Variants in ZDHHC20 observed in about 807,000 individuals in gnomAD.
ZDHHC20 encodes zDHHC palmitoyltransferase 20, also known as palmitoyltransferase ZDHHC20.
In ZDHHC20, 43 loss-of-function variants were observed where a neutral mutation model predicts 57.8. The observed-to-expected ratio is 0.74, with a 90% CI of 0.58 to 0.96. ZDHHC20 has a LOEUF of 0.96. Ranked by LOEUF, ZDHHC20 falls within the 40% of genes least tolerant of loss-of-function variation. The pLI, the probability that ZDHHC20 is intolerant of heterozygous loss-of-function variation, is 0.00. For synonymous variants in ZDHHC20, 157 were observed against 153.0 expected (o/e 1.03, Z -0.19); for missense variants, 391 against 441.1 (o/e 0.89, Z 1.02).
intron 1 of ZDHHC20, among the ~76,000 whole-genome samples, chr13:21,447,807 G>A (rs1211756305): frequency 2.1e-5 from 2 of 94,568 alleles, no homozygotes; most frequent in Admixed American, 9.8e-5. Context: ...GAGTGTCTCC[G>A]CCCAGCCGCC....
rs562777411 is a variant in ZDHHC20 at position 21,427,312 on chromosome 13, A to AT, written c.119-1635dup. ...GTAAACTAAGGCTCAAAATAATTAAATGACCTTCCTAAGGTCACAGAGCTA... is the reference window on the plus strand; with the variant it reads ...GTAAACTAAGGCTCAAAATAATTAAATTGACCTTCCTAAGGTCACAGAGCTA... On this transcript the variant is annotated intron_variant, in intron 1 of 12. Coordinates refer to ENST00000400590, the MANE Select transcript of ZDHHC20 (RefSeq NM_001330059.2). Among the ~76,000 whole-genome samples, 8 of 152,328 alleles carry AT rather than the reference A, an allele frequency of 5.3e-5. No individual in the cohort carries two copies. In the East Asian group the frequency reaches 1.5e-3, roughly 29 times the overall value.
intron 2 of ZDHHC20, among the ~76,000 whole-genome samples, chr13:21,425,155 T>C (rs189774149): frequency 1.0e-3 from 153 of 152,322 alleles, no homozygotes; most frequent in African/African-American, 3.5e-3. Flanking sequence ...TTAGTTGTTA[T>C]AAAAACTTTA....
At chr13:21,401,798 G>T in intron 5 of ZDHHC20, 113 bp from the exon 6 acceptor site, 2 of 904,852 alleles carry the variant, frequency 2.2e-6, no homozygotes, top group Non-Finnish European at 1.6e-6. Context: ...CATCTTAAGA[G>T]AATCAACCCA....
At chr13:21,392,777 A>G (rs1294420022) in intron 7 of ZDHHC20, among the ~76,000 whole-genome samples, 3 of 152,234 alleles carry the variant, frequency 2.0e-5, no homozygotes, top group Non-Finnish European at 2.9e-5. Flanking sequence ...GAAGACTATT[A>G]GCATTAGGTT....
At chr13:21,455,365 C>G (rs1410734263) in intron 1 of ZDHHC20, among the ~76,000 whole-genome samples, 2 of 152,104 alleles carry the variant, frequency 1.3e-5, no homozygotes, top group Non-Finnish European at 2.9e-5. Flanking sequence ...ACAAGATATT[C>G]TGATAAAACC....
rs139085925 is a variant in ZDHHC20 at position 21,380,113 on chromosome 13, C to G, written c.1060+1321G>C. On this transcript the variant is annotated intron_variant, in intron 11 of 12. Coordinates refer to ENST00000400590, the MANE Select transcript of ZDHHC20 (RefSeq NM_001330059.2). The stretch of plus-strand genomic sequence containing the variant: ...TACAGGCATGAGCCACCGTGCCCAG[C>G]CTTTTTTTCCTTTCTTCCCCGAGAT... 4.5e-3 allele frequency among the ~76,000 whole-genome samples: 678 copies of G among 149,632 alleles called. 2 individuals are homozygous for G. Among genetic ancestry groups the G allele is most frequent in the African/African-American group, 0.016 (638 of 40,628 alleles).
chr13:21,385,212 T>C (rs1374922586), intron 9 of ZDHHC20, among the ~76,000 whole-genome samples: 1 of 152,064 alleles, frequency 6.6e-6, no homozygotes, highest in African/African-American at 2.4e-5. Context: ...GCGGATTGCT[T>C]GAGGCCAGGA....
intron 1 of ZDHHC20, among the ~76,000 whole-genome samples, chr13:21,432,958 C>T (rs1318249148): frequency 1.3e-5 from 2 of 152,124 alleles, no homozygotes; most frequent in African/African-American, 4.8e-5. Context: ...TATTTCTGAA[C>T]TCTATTTTGT....
intron 1 of ZDHHC20, among the ~76,000 whole-genome samples, chr13:21,432,192 A>T (rs868038409): frequency 3.9e-5 from 6 of 151,918 alleles, no homozygotes; most frequent in Admixed American, 1.3e-4. Flanking sequence ...TTCAGACAGA[A>T]TCTCGCTCTG....
chr13:21,456,918 G>C (rs1203977471), intron 1 of ZDHHC20, among the ~76,000 whole-genome samples: 1 of 152,160 alleles, frequency 6.6e-6, no homozygotes, highest in Non-Finnish European at 1.5e-5. Context: ...ATAGCTTACT[G>C]AAGTTATATG....
intron 3 of ZDHHC20, among the ~76,000 whole-genome samples, chr13:21,414,384 G>T (rs146639988): frequency 0.037 from 5,610 of 149,922 alleles, 331 homozygotes; most frequent in African/African-American, 0.13. Context: ...TTTTTGAGAC[G>T]GAGTCTTGCT....
At chr13:21,435,323 A>G (rs1566106186) in intron 1 of ZDHHC20, among the ~76,000 whole-genome samples, 1 of 152,024 alleles carries the variant, frequency 6.6e-6, no homozygotes, top group Admixed American at 6.6e-5. Context: ...TTTTCTTCTA[A>G]TGCTTGAATG....
chr13:21,442,571 A>G (rs1463265902), intron 1 of ZDHHC20, among the ~76,000 whole-genome samples: 1 of 152,190 alleles, frequency 6.6e-6, no homozygotes, highest in Non-Finnish European at 1.5e-5. Flanking sequence ...CCTGGCCAAC[A>G]TGGTGAAACC....
Position 21,374,399 on chromosome 13 carries a change from G to T in ZDHHC20, c.*2297C>A, listed in dbSNP as rs369950389. The T allele has an allele frequency of 4.8e-3, 2,193 of 455,628 alleles. 23 individuals are homozygous for T. The highest frequency in any genetic ancestry group is 0.025 in the African/African-American group (1,247 of 50,130). The allele number at this position is 455,628 out of a possible 1,614,324, so 28.2% of individuals were successfully genotyped here. On this transcript the variant is annotated 3_prime_UTR_variant, in exon 13 of 13. Transcript: ENST00000400590. ...GCCACCATGCCTGGACAGTTTTGGG[G>T]TTTTTTTGTATTTTTAGTGGAGACA...
chr13:21,419,314 T>C (rs886869575), intron 3 of ZDHHC20, among the ~76,000 whole-genome samples: 5 of 152,232 alleles, frequency 3.3e-5, no homozygotes, highest in Non-Finnish European at 7.3e-5. Flanking sequence ...CTATACAGCA[T>C]TACTTGCTAA....
chr13:21,431,483 T>TAAGTA (rs58043937), intron 1 of ZDHHC20, among the ~76,000 whole-genome samples: 95,137 of 151,430 alleles, frequency 0.63, 30,836 homozygotes, highest in Non-Finnish European at 0.71. Flanking sequence ...TTTCATTACT[T>TAAGTA]AATATCTAAA....
In ZDHHC20 at chr13:21,375,153, A is replaced by T. The variant is rs1871862417; in HGVS notation, c.*1543T>A. Reference sequence around the variant, plus strand: ...TGTGGAAAAAAGAAGAAAAAAATTTATTGGGTGAATGAAAAGTGATTTTGC... The same window carrying T: ...TGTGGAAAAAAGAAGAAAAAAATTTTTTGGGTGAATGAAAAGTGATTTTGC... On this transcript the variant is annotated 3_prime_UTR_variant, in exon 13 of 13. Transcript: ENST00000400590. 1 of 456,592 alleles carries T rather than the reference A, an allele frequency of 2.2e-6. No homozygotes were observed. Among genetic ancestry groups the T allele is most frequent in the Non-Finnish European group, 4.4e-6 (1 of 226,954 alleles). The allele number at this position is 456,592 out of a possible 1,614,324, so 28.3% of individuals were successfully genotyped here.
At chr13:21,435,208 T>C (rs1882416250) in intron 1 of ZDHHC20, among the ~76,000 whole-genome samples, 3 of 152,242 alleles carry the variant, frequency 2.0e-5, no homozygotes, top group African/African-American at 7.2e-5. Flanking sequence ...TTTTTTTTCC[T>C]GTGAAACATC....
At chr13:21,433,126 CT>C (rs1431887530) in intron 1 of ZDHHC20, among the ~76,000 whole-genome samples, 1 of 152,068 alleles carries the variant, frequency 6.6e-6, no homozygotes, top group Non-Finnish European at 1.5e-5. Flanking sequence ...TAAATACTTA[CT>C]TATTTTTACC....
Sources: allele counts gnomAD v4.1 joint callset (sites outside exome capture counted in the v4.1 genomes callset), GRCh38; gene constraint gnomAD v4.1.1; transcripts MANE v1.5; gene names NCBI Gene and HGNC (gene_info 2026-07-23, HGNC 2026-07-21).